VPS13D: variants seen among roughly 807,000 people sequenced by gnomAD.
VPS13D encodes the protein vacuolar protein sorting 13 homolog D.
VPS13D carries 187 observed loss-of-function variants against 461.9 expected under a neutral mutation model. That is an observed-to-expected ratio of 0.40 (90% CI 0.36 to 0.46). The LOEUF is 0.46. Among genes scored for constraint, VPS13D ranks in the 20% least tolerant of loss-of-function variants. The probability of loss-of-function intolerance (pLI) is 0.60; values close to 1 mark genes in which losing one functional copy is unlikely to be tolerated. For missense variants in VPS13D, 4,711 were observed against 5,364.9 expected (o/e 0.88, Z 3.81); for synonymous variants, 1,951 against 1,986.3 (o/e 0.98, Z 0.47).
chr1:12,356,281 A>G, intron 48 of VPS13D, 117 bp from the exon 49 acceptor site: 1 of 1,431,688 alleles, frequency 7.0e-7, no homozygotes, highest in East Asian at 2.5e-5. Flanking sequence ...AACTGAGCCC[A>G]CTAAATAGAT....
chr1:12,249,238 G>A lies in VPS13D; in HGVS notation c.463G>A (p.Val155Ile). ...CTCTTTGCAGTTAAAAATTCAAGAT[G>A]TCCATTTACGCTTTGAAGATGGTGT... ...VENIELKIQD[V>I]HLRFEDGVTN... Residue 155 changes from valine (V) to isoleucine (I), a missense_variant, in exon 6 of 70, where the codon GTC becomes ATC. Physicochemically the swap from Val to Ile is conservative, Grantham distance 29. Coordinates refer to ENST00000620676, the MANE Select transcript of VPS13D (RefSeq NM_015378.4). 1 of 1,612,108 alleles carries A rather than the reference G, an allele frequency of 6.2e-7. No individual in the cohort carries two copies. The highest frequency in any genetic ancestry group is 8.5e-7 in the Non-Finnish European group (1 of 1,179,400).
At chr1:12,440,974 G>A (rs1291209909) in intron 65 of VPS13D, among the ~76,000 whole-genome samples, 1 of 151,938 alleles carries the variant, frequency 6.6e-6, no homozygotes, top group African/African-American at 2.4e-5. Context: ...CACCCAGGGT[G>A]GAGTGCAATG....
At chr1:12,260,015 C>CTTT (rs70987243) in intron 10 of VPS13D, among the ~76,000 whole-genome samples, 752 of 72,684 alleles carry the variant, frequency 0.01, 87 homozygotes, top group African/African-American at 0.027. Flanking sequence ...GCTTTAGTGA[C>CTTT]TTTTTTTTTT....
intron 29 of VPS13D, among the ~76,000 whole-genome samples, chr1:12,312,233 T>C (rs956643128): frequency 6.6e-6 from 1 of 152,194 alleles, no homozygotes; most frequent in Non-Finnish European, 1.5e-5. Flanking sequence ...CTTGTTGTAG[T>C]CGCTTAGGGT....
At position 12,283,683 on chromosome 1, in the gene VPS13D, G is replaced by T. The variant is rs780077512; in HGVS notation, c.5581G>T (p.Ala1861Ser). The T allele has an allele frequency of 1.9e-6, 3 of 1,614,166 alleles. No homozygotes were observed. The South Asian group carries it at 3.3e-5, about 18-fold the overall frequency. The change falls in exon 21 of 70, where the codon GCC (alanine) becomes TCC (serine). Residue 1861 changes from alanine to serine, a missense_variant. Physicochemically the swap from Ala to Ser is moderately conservative, Grantham distance 99 (BLOSUM62 1). Transcript: ENST00000620676. ...GCACAACGTGAAGTTGGAGCCACAT[G>T]CCTCCATGGAGTCTGGACTTCAGGA... is the stretch of plus-strand genomic sequence containing the variant. Reference protein sequence around the residue: ...ILHNVKLEPHASMESGLQDPV... With the variant: ...ILHNVKLEPHSSMESGLQDPV...
Position 12,276,237 on chromosome 1 carries a change from A to AATCC in VPS13D, c.2651_2654dup (p.Ile886ProfsTer3). On this transcript the variant is annotated frameshift_variant, in exon 19 of 70. Coordinates refer to ENST00000620676, the MANE Select transcript of VPS13D (RefSeq NM_015378.4). LOFTEE classifies it high-confidence loss of function. The surrounding 1 kb of genome is among the most constrained non-coding windows in gnomAD (Gnocchi z 4.5). ...TCTCAGGCAACTTACCAGACTTAAA[A>AATCC]ATCCACATTAATGAAGATAAAATAT... 1 of 1,613,994 alleles carries AATCC rather than the reference A, an allele frequency of 6.2e-7. No homozygotes were observed. Among genetic ancestry groups the AATCC allele is most frequent in the Non-Finnish European group, 8.5e-7 (1 of 1,180,002 alleles).
intron 24 of VPS13D, among the ~76,000 whole-genome samples, chr1:12,295,449 G>A (rs1423196353): frequency 2.0e-5 from 3 of 152,190 alleles, no homozygotes; most frequent in Middle Eastern, 3.4e-3. Context: ...TGGAAGCAAC[G>A]AGTGCTGTCG....
At position 12,232,711 on chromosome 1, in the gene VPS13D, A is replaced by G. The variant is rs1640020166; in HGVS notation, c.-76-1480A>G. ...ATTATAACAGGCAGTAGTACCTACAAAATCTAAATACCGTGGCTGGAGCCA... is the reference window on the plus strand; with the variant it reads ...ATTATAACAGGCAGTAGTACCTACAGAATCTAAATACCGTGGCTGGAGCCA... On this transcript the variant is annotated intron_variant, in intron 1 of 69. Transcript: ENST00000620676. 4.0e-5 allele frequency among the ~76,000 whole-genome samples: 6 copies of G among 149,210 alleles called. No homozygotes were observed. The South Asian group carries it at 1.3e-3, about 32-fold the overall frequency.
Position 12,288,734 on chromosome 1 carries a change from T to C in VPS13D, c.5725+421T>C, listed in dbSNP as rs575872196. ...CTAGAAAACGGGCATACAACAGGGCTGTCTCTGGGAAACCAGAGGATATGA... is the reference window on the plus strand; with the variant it reads ...CTAGAAAACGGGCATACAACAGGGCCGTCTCTGGGAAACCAGAGGATATGA... On this transcript the variant is annotated intron_variant, in intron 22 of 69. Coordinates refer to ENST00000620676, the MANE Select transcript of VPS13D (RefSeq NM_015378.4). Among the ~76,000 whole-genome samples the C allele has an allele frequency of 9.9e-4, 150 of 152,176 alleles. 1 individual carries two copies. The highest frequency in any genetic ancestry group is 3.2e-3 in the African/African-American group (133 of 41,524).
chr1:12,464,485 C>T (rs996502414), intron 67 of VPS13D, among the ~76,000 whole-genome samples: 1 of 152,144 alleles, frequency 6.6e-6, no homozygotes, highest in Non-Finnish European at 1.5e-5. Flanking sequence ...AAGAGTACTC[C>T]TTCCAGTAAT....
chr1:12,260,668 T>C (rs1185315490), intron 10 of VPS13D, 25 bp from the exon 11 acceptor site: 3 of 1,606,624 alleles, frequency 1.9e-6, no homozygotes, highest in Non-Finnish European at 2.6e-6. Flanking sequence ...TTTTTGTTTA[T>C]TTGCTTTTGT....
At chr1:12,359,013 T>TTA (rs1643913106) in intron 50 of VPS13D, among the ~76,000 whole-genome samples, 1 of 151,964 alleles carries the variant, frequency 6.6e-6, no homozygotes, top group Admixed American at 6.6e-5. Flanking sequence ...AGGAGAGAGG[T>TTA]TAAGTGACCT....
chr1:12,286,708 A>G (rs940371933), intron 21 of VPS13D, among the ~76,000 whole-genome samples: 1 of 152,258 alleles, frequency 6.6e-6, no homozygotes, highest in African/African-American at 2.4e-5. Context: ...GGAGGCATAC[A>G]ACGTCTGATC....
At chr1:12,342,366 CTT>C (rs1359452945) in intron 41 of VPS13D, among the ~76,000 whole-genome samples, 2 of 152,208 alleles carry the variant, frequency 1.3e-5, no homozygotes, top group Non-Finnish European at 2.9e-5. Flanking sequence ...ACAAAGGAGA[CTT>C]TACCTAAGCC....
At chr1:12,398,743 C>T (rs1306912845) in intron 60 of VPS13D, among the ~76,000 whole-genome samples, 1 of 152,166 alleles carries the variant, frequency 6.6e-6, no homozygotes, top group Non-Finnish European at 1.5e-5. Flanking sequence ...TCGTTTCGTT[C>T]CCGAGAAGGG....
At chr1:12,345,706 A>G (rs1005988383) in intron 43 of VPS13D, among the ~76,000 whole-genome samples, 197 bp downstream of exon 43, 1 of 152,256 alleles carries the variant, frequency 6.6e-6, no homozygotes, top group African/African-American at 2.4e-5. Flanking sequence ...GAAAAACAAG[A>G]TTTAAAATCA....
Position 12,323,768 on chromosome 1 carries a change from T to C in VPS13D, c.7978T>C (p.Leu2660=). 6.2e-7 allele frequency: 1 copy of C among 1,614,112 alleles called. No individual in the cohort carries two copies. The highest frequency in any genetic ancestry group is 8.5e-7 in the Non-Finnish European group (1 of 1,179,970). Residue 2660 remains leucine (L), a synonymous_variant, in exon 35 of 70, where the codon TTG becomes CTG. Transcript: ENST00000620676. ...CATGGATGATTGTCGCAAAGCTCTTTTGGCGTGTCAAGGTAATTTGAACAG... is the reference window on the plus strand; with the variant it reads ...CATGGATGATTGTCGCAAAGCTCTTCTGGCGTGTCAAGGTAATTTGAACAG... ...FSMDDCRKAL[L]ACQGQLKKAA...
Position 12,510,525 on chromosome 1 carries a change from C to G in VPS13D, c.*1501C>G, listed in dbSNP as rs200052428. The stretch of plus-strand genomic sequence containing the variant: ...TCCCACTTCCCCTCTGTGTCTGTGT[C>G]TGTGTGTGTGTGTGTGTGTGTGTGT... On this transcript the variant is annotated 3_prime_UTR_variant, in exon 70 of 70. Coordinates refer to ENST00000620676, the MANE Select transcript of VPS13D (RefSeq NM_015378.4). The G allele has an allele frequency of 6.6e-4, 97 of 146,214 alleles. No individual in the cohort carries two copies. Among genetic ancestry groups the G allele is most frequent in the African/African-American group, 1.8e-3 (72 of 39,104 alleles). 9.1% of individuals were successfully genotyped at this position (146,214 alleles called of 1,614,324 possible).
At position 12,358,617 on chromosome 1, in the gene VPS13D, G is replaced by A. The variant is rs1202320687; in HGVS notation, c.10141+16G>A. ...TATAACATTGGTGGGTTACATTTGG[G>A]GCAGCGGGACAATCAGAACCATTGG... On this transcript the variant is annotated intron_variant, in intron 50 of 69. Transcript: ENST00000620676. 1 of 1,613,218 alleles carries A rather than the reference G, an allele frequency of 6.2e-7. No homozygotes were observed. Among genetic ancestry groups the A allele is most frequent in the South Asian group, 1.1e-5 (1 of 90,952 alleles).
Sources: gnomAD v4.1 joint callset for allele counts (sites outside exome capture counted in the v4.1 genomes callset) on GRCh38, gnomAD v4.1.1 for gene constraint, Gnocchi (gnomAD v3.1) non-coding constraint, MANE v1.5 for transcripts, NCBI Gene and HGNC (gene_info 2026-07-23, HGNC 2026-07-21) for gene names.